Variants in TUSC3 observed in about 807,000 individuals in gnomAD.
TUSC3 encodes dolichyl-diphosphooligosaccharide--protein glycosyltransferase subunit TUSC3.
In TUSC3, 45 loss-of-function variants were observed where a neutral mutation model predicts 44.8. The ratio of observed to expected loss-of-function variants is 1.00; its 90% CI spans 0.79 to 1.29. The LOEUF is 1.29. Ranked by LOEUF, TUSC3 falls within the 50% of genes most tolerant of loss-of-function variation. TUSC3 has a pLI of 0.00. For synonymous variants in TUSC3, 212 were observed against 152.9 expected (o/e 1.39, Z -2.85); for missense variants, 519 against 437.9 (o/e 1.19, Z -1.65).
chr8:15,451,798 G>T (rs1800199867), intron 1 of TUSC3, among the ~76,000 whole-genome samples: 1 of 152,060 alleles, frequency 6.6e-6, no homozygotes, highest in East Asian at 1.9e-4. Flanking sequence ...GAAAGATAGT[G>T]TCTGAGTTGA....
chr8:15,425,245 G>A (rs184172431), intron 1 of TUSC3, among the ~76,000 whole-genome samples: 45 of 152,296 alleles, frequency 3.0e-4, no homozygotes, highest in Admixed American at 9.1e-4. Flanking sequence ...AAATGACAAA[G>A]CACTATTCAG....
chr8:15,506,798 G>C (rs1421790926), intron 2 of TUSC3, among the ~76,000 whole-genome samples: 1 of 152,096 alleles, frequency 6.6e-6, no homozygotes, highest in East Asian at 1.9e-4. Context: ...ATGAGATTTC[G>C]GTGGGTCAAA....
chr8:15,624,882 A>G (rs964043617), intron 2 of TUSC3, among the ~76,000 whole-genome samples: 1 of 151,510 alleles, frequency 6.6e-6, no homozygotes, highest in Non-Finnish European at 1.5e-5. Flanking sequence ...GATCCCAAAG[A>G]TCTTCTCCTG....
the TUSC3 span, among the ~76,000 whole-genome samples, chr8:15,823,607 T>A: frequency 2.1e-3 from 315 of 152,326 alleles, 2 homozygotes; most frequent in African/African-American, 7.3e-3. Flanking sequence ...TAAATAATTT[T>A]AAGAAAATAT....
chr8:15,831,930 G>C, the TUSC3 span, among the ~76,000 whole-genome samples: 1 of 152,112 alleles, frequency 6.6e-6, no homozygotes, highest in African/African-American at 2.4e-5. Flanking sequence ...TTCAAATTCA[G>C]GAAATGGAGA....
At chr8:15,463,861 C>G (rs1168661611) in intron 1 of TUSC3, among the ~76,000 whole-genome samples, 2 of 152,162 alleles carry the variant, frequency 1.3e-5, no homozygotes, top group African/African-American at 4.8e-5. Flanking sequence ...TCACATCTTT[C>G]CAAAACCATA....
intron 9 of TUSC3, among the ~76,000 whole-genome samples, chr8:15,750,253 A>G (rs1431403805): frequency 6.6e-6 from 1 of 152,094 alleles, no homozygotes; most frequent in East Asian, 1.9e-4. Flanking sequence ...TGCTGGGATT[A>G]CAGGCGTGAG....
At chr8:15,542,474 C>T (rs1215064065) in intron 1 of TUSC3, among the ~76,000 whole-genome samples, 3 of 151,790 alleles carry the variant, frequency 2.0e-5, no homozygotes, top group Admixed American at 6.6e-5. Context: ...TTCAGGTTAG[C>T]TTTGGGATAT....
the TUSC3 span, among the ~76,000 whole-genome samples, chr8:15,787,173 G>C: frequency 6.6e-6 from 1 of 151,870 alleles, no homozygotes; most frequent in Non-Finnish European, 1.5e-5. Context: ...ATATTATTTC[G>C]TTGTGTTGTT....
chr8:15,823,218 G>A, the TUSC3 span, among the ~76,000 whole-genome samples: 4 of 152,186 alleles, frequency 2.6e-5, no homozygotes, highest in East Asian at 1.9e-4. Flanking sequence ...TGAGTTTTCC[G>A]GAGCGCTACC....
At chr8:15,720,748 A>C (rs968900024) in intron 6 of TUSC3, among the ~76,000 whole-genome samples, 1 of 152,148 alleles carries the variant, frequency 6.6e-6, no homozygotes, top group Non-Finnish European at 1.5e-5. Flanking sequence ...AATTAAAGCT[A>C]TCTGAAGTAC....
chr8:15,608,433 G>A (rs1032220360), intron 1 of TUSC3, among the ~76,000 whole-genome samples: 1 of 152,206 alleles, frequency 6.6e-6, no homozygotes, highest in East Asian at 1.9e-4. Flanking sequence ...GGTGAGCCTA[G>A]AATCTTATCT....
intron 7 of TUSC3, among the ~76,000 whole-genome samples, chr8:15,737,546 A>G (rs1304652913): frequency 1.3e-5 from 2 of 152,192 alleles, no homozygotes; most frequent in African/African-American, 4.8e-5. Flanking sequence ...GTTTAAATAT[A>G]TATTGCCATG....
rs2129164436 is a variant in TUSC3 at position 15,623,123 on chromosome 8, C to T, written c.182C>T (p.Ser61Phe). 1 of 1,613,718 alleles carries T rather than the reference C, an allele frequency of 6.2e-7. No homozygotes were observed. The highest frequency in any genetic ancestry group is 1.1e-5 in the South Asian group (1 of 91,028). The change falls in exon 2 of 11, where the codon TCC becomes TTC. Residue 61 changes from serine (S) to phenylalanine (F), a missense_variant. Physicochemically the swap from Ser to Phe is radical, Grantham distance 155 (BLOSUM62 -2). Coordinates refer to ENST00000503731, the MANE Select transcript of TUSC3 (RefSeq NM_006765.4). ...GTAGAGCAGCTGATGGAATGGAGTTCCAGACGCTCAATCTTCCGAATGAAT... is the reference window on the plus strand; with the variant it reads ...GTAGAGCAGCTGATGGAATGGAGTTTCAGACGCTCAATCTTCCGAATGAAT... ...EKVEQLMEWS[S>F]RRSIFRMNGD...
chr8:15,431,064 C>T (rs762313869), intron 1 of TUSC3, among the ~76,000 whole-genome samples: 14 of 151,622 alleles, frequency 9.2e-5, no homozygotes, highest in Non-Finnish European at 1.3e-4. Context: ...GTGCCAGAAC[C>T]GTATTGTTTT....
At position 15,687,145 on chromosome 8, in the gene TUSC3, A is replaced by AT. The variant is rs1808669227; in HGVS notation, c.798+13310dup. Among the ~76,000 whole-genome samples the AT allele has an allele frequency of 3.3e-5, 5 of 152,314 alleles. No homozygotes were observed. In the South Asian group the frequency reaches 1.0e-3, roughly 32 times the overall value. The stretch of plus-strand genomic sequence containing the variant: ...ACATTAAGGATATACAGAAATCTTG[A>AT]TGTTAGTATTTGGAATTGAGATTCT... On this transcript the variant is annotated intron_variant, in intron 6 of 10. Transcript: ENST00000503731.
chr8:15,802,827 G>A, the TUSC3 span, among the ~76,000 whole-genome samples: 7 of 151,920 alleles, frequency 4.6e-5, no homozygotes, highest in South Asian at 2.1e-4. Context: ...TACCCAGAAC[G>A]TGGCTAAATG....
intron 1 of TUSC3, among the ~76,000 whole-genome samples, chr8:15,469,170 T>G (rs1800452477): frequency 6.6e-6 from 1 of 152,198 alleles, no homozygotes; most frequent in African/African-American, 2.4e-5. Context: ...AAGCTGGATT[T>G]CATTAAAATT....
chr8:15,835,568 C>G, the TUSC3 span, among the ~76,000 whole-genome samples: 1 of 152,018 alleles, frequency 6.6e-6, no homozygotes, highest in Non-Finnish European at 1.5e-5. Context: ...TATACATTCC[C>G]CTCATATCTT....
Sources: gnomAD v4.1 joint callset for allele counts (sites outside exome capture counted in the v4.1 genomes callset) on GRCh38, gnomAD v4.1.1 for gene constraint, MANE v1.5 for transcripts, NCBI Gene and HGNC (gene_info 2026-07-23, HGNC 2026-07-21) for gene names.